SLC35E4: variants seen among roughly 807,000 people sequenced by gnomAD.
SLC35E4 encodes solute carrier family 35 member E4, also known as solute carrier family 35, member E4.
SLC35E4 carries 15 observed loss-of-function variants against 19.3 expected under a neutral mutation model. That is an observed-to-expected ratio of 0.78 (90% CI 0.52 to 1.20). SLC35E4 has a LOEUF of 1.20. Among genes scored for constraint, SLC35E4 ranks in the 50% most tolerant of loss-of-function variants. SLC35E4 has a pLI of 0.00. For missense variants in SLC35E4, 406 were observed against 472.3 expected, an observed-to-expected ratio of 0.86 and a Z score of 1.30; for synonymous variants, 219 against 219.9, an observed-to-expected ratio of 1.00 and a Z score of 0.04.
intron 1 of SLC35E4, among the ~76,000 whole-genome samples, chr22:30,638,653 A>T (rs966128239): frequency 6.7e-6 from 1 of 150,152 alleles, no homozygotes; most frequent in African/African-American, 2.4e-5. Context: ...CTCTACTGAA[A>T]ATACAAAAAT....
At chr22:30,652,304 A>G (rs564479672), downstream of SLC35E4, 1 of 152,308 alleles carries the variant, frequency 6.6e-6, no homozygotes, top group South Asian at 2.1e-4. Flanking sequence ...GGGGCTGCAA[A>G]ATATCACAAG....
chr22:30,646,818 T>C lies in SLC35E4; in HGVS notation c.840T>C (p.Ser280=), dbSNP rs769303188. ...LASFSLLALT[S]ALTVHVLGNL... The stretch of plus-strand genomic sequence containing the variant: ...GCTTCTCCCTGCTGGCCCTCACCTC[T>C]GCCCTCACCGTCCACGTCCTGGGCA... The change falls in exon 2 of 2, where the codon TCT becomes TCC. Residue 280 remains serine, a synonymous_variant. Coordinates refer to ENST00000343605, the MANE Select transcript of SLC35E4 (RefSeq NM_001001479.4). 1 of 1,614,216 alleles carries C rather than the reference T, an allele frequency of 6.2e-7. No individual in the cohort carries two copies. Among genetic ancestry groups the C allele is most frequent in the African/African-American group, 1.3e-5 (1 of 75,058 alleles).
chr22:30,653,191 C>G (rs1033833950), intron 2 of SLC35E4, among the ~76,000 whole-genome samples: 3 of 152,158 alleles, frequency 2.0e-5, no homozygotes, highest in Non-Finnish European at 2.9e-5. Context: ...AAGGCCTGGG[C>G]TCCCTGGCCT....
chr22:30,642,954 C>T (rs1346856216), intron 1 of SLC35E4, among the ~76,000 whole-genome samples: 10 of 148,618 alleles, frequency 6.7e-5, no homozygotes, highest in Non-Finnish European at 1.3e-4. Context: ...GGCGTGAACC[C>T]GGGAGGCGGA....
chr22:30,668,278 G>A (rs1289343088), downstream of SLC35E4: 2 of 152,332 alleles, frequency 1.3e-5, no homozygotes, highest in Non-Finnish European at 2.9e-5. Context: ...CCGCGCCGCG[G>A]ACCGAGCAGT....
At chr22:30,650,946 GC>G (rs2088198744), downstream of SLC35E4, among the ~76,000 whole-genome samples, 3 of 151,734 alleles carry the variant, frequency 2.0e-5, no homozygotes, top group South Asian at 6.2e-4. Context: ...GCTGCCTGGT[GC>G]CCCTTCTACC....
chr22:30,637,713 TA>T (rs2087973473), intron 1 of SLC35E4, among the ~76,000 whole-genome samples: 1 of 152,256 alleles, frequency 6.6e-6, no homozygotes, highest in Non-Finnish European at 1.5e-5. Flanking sequence ...ACTAGCCTTT[TA>T]TCTCACTGTA....
Position 30,646,905 on chromosome 22 carries a change from C to T in SLC35E4, c.927C>T (p.Ala309=). The T allele has an allele frequency of 6.2e-7, 1 of 1,614,274 alleles. No homozygotes were observed. The highest frequency in any genetic ancestry group is 8.5e-7 in the Non-Finnish European group (1 of 1,180,054). The part of the protein sequence containing the change: ...SRLLFGSRLS[A]LSYVGIALTL... ...TGTTGTTTGGCAGCCGCCTCAGTGC[C>T]CTCAGCTACGTGGGCATCGCACTCA... The change falls in exon 2 of 2, where the codon GCC becomes GCT. Residue 309 remains alanine, a synonymous_variant. Coordinates refer to ENST00000343605, the MANE Select transcript of SLC35E4 (RefSeq NM_001001479.4).
downstream of SLC35E4, chr22:30,649,312 A>T (rs2088176785): frequency 2.8e-6 from 2 of 709,872 alleles, no homozygotes; most frequent in Admixed American, 4.0e-5. Context: ...CTTTCTGGAA[A>T]CCATCTGCAA....
At position 30,655,432 on chromosome 22, in the gene SLC35E4, A is replaced by T. The variant is rs1223507890; in HGVS notation, c.*8+6179A>T. Among the ~76,000 whole-genome samples, 459 of 145,560 alleles carry T rather than the reference A, an allele frequency of 3.2e-3. 3 individuals are homozygous for T. Among genetic ancestry groups the T allele is most frequent in the African/African-American group, 8.0e-3 (320 of 40,190 alleles). ...GGGTAACAGAGTGAGATCCTACCAAAAAAAAAAAAAAAAAAAGAAAAAGAA... is the reference window on the plus strand; with the variant it reads ...GGGTAACAGAGTGAGATCCTACCAATAAAAAAAAAAAAAAAAGAAAAAGAA... On this transcript the variant is annotated intron_variant, in intron 2 of 2. Transcript: ENST00000406566.
intron 2 of SLC35E4, among the ~76,000 whole-genome samples, chr22:30,655,269 A>C (rs2088311925): frequency 6.6e-6 from 1 of 150,862 alleles, no homozygotes; most frequent in African/African-American, 2.4e-5. Flanking sequence ...CCATCTGGAC[A>C]ACATAGCAAA....
intron 2 of SLC35E4, among the ~76,000 whole-genome samples, chr22:30,660,589 A>G (rs562863451): frequency 6.6e-6 from 1 of 152,320 alleles, no homozygotes; most frequent in South Asian, 2.1e-4. Context: ...AGAAAACAAT[A>G]CTTGAAGAAA....
At chr22:30,652,531 T>A (rs2088242367), downstream of SLC35E4, among the ~76,000 whole-genome samples, 2 of 152,264 alleles carry the variant, frequency 1.3e-5, no homozygotes, top group Non-Finnish European at 2.9e-5. Flanking sequence ...TAGTTCAGCC[T>A]ATGCCCAGGA....
At chr22:30,654,627 A>C in intron 2 of SLC35E4, 2 of 459,574 alleles carry the variant, frequency 4.4e-6, no homozygotes, top group South Asian at 3.3e-5. Context: ...TGCCTCGGGA[A>C]GGGTTGCTGT....
At chr22:30,663,339 C>T, downstream of SLC35E4, 2 of 1,254,716 alleles carry the variant, frequency 1.6e-6, no homozygotes, top group Admixed American at 2.5e-5. Flanking sequence ...CTGTTTTTTT[C>T]TGTATCAACA....
In SLC35E4 at chr22:30,636,851, A is replaced by T; in HGVS notation, c.401A>T (p.Asp134Val). ...GNVGLRAVPL[D>V]LAQLVTTTTP... Reference sequence around the variant, plus strand: ...GTGGGCCTAAGGGCTGTGCCCCTGGACCTGGCACAACTGGTTACTACCACC... The same window carrying T: ...GTGGGCCTAAGGGCTGTGCCCCTGGTCCTGGCACAACTGGTTACTACCACC... The change falls in exon 1 of 2, where the codon GAC becomes GTC. Residue 134 changes from aspartate (D) to valine (V), a missense_variant. Asp to Val is a radical substitution (Grantham distance 152). Transcript: ENST00000343605. The T allele has an allele frequency of 6.2e-7, 1 of 1,613,004 alleles. No individual in the cohort carries two copies. The highest frequency in any genetic ancestry group is 1.3e-5 in the African/African-American group (1 of 75,036).
At chr22:30,650,313 C>A (rs377487086), downstream of SLC35E4, among the ~76,000 whole-genome samples, 2 of 148,630 alleles carry the variant, frequency 1.3e-5, no homozygotes, top group African/African-American at 2.5e-5. Flanking sequence ...GCCTGGGGGA[C>A]AAGAGCAAGA....
At chr22:30,666,450 C>T (rs968924573), downstream of SLC35E4, among the ~76,000 whole-genome samples, 4 of 151,970 alleles carry the variant, frequency 2.6e-5, no homozygotes, top group Admixed American at 2.0e-4. Flanking sequence ...GTGAAACCCC[C>T]GTCTCTACTA....
intron 1 of SLC35E4, among the ~76,000 whole-genome samples, chr22:30,645,252 G>A (rs2088108743): frequency 6.6e-6 from 1 of 152,192 alleles, no homozygotes; most frequent in Non-Finnish European, 1.5e-5. Flanking sequence ...AGGGGCTGAG[G>A]CGGGAAAGGT....
Sources: gnomAD v4.1 joint callset for allele counts (sites outside exome capture counted in the v4.1 genomes callset) on GRCh38, gnomAD v4.1.1 for gene constraint, MANE v1.5 for transcripts, NCBI Gene and HGNC (gene_info 2026-07-23, HGNC 2026-07-21) for gene names.